RPS6KC1: variants seen among roughly 807,000 people sequenced by gnomAD.
RPS6KC1 encodes ribosomal protein S6 kinase C1.
A neutral mutation model predicts 103.8 loss-of-function variants in RPS6KC1; 54 were observed. That is an observed-to-expected ratio of 0.52 (90% CI 0.42 to 0.65). The LOEUF is 0.65. RPS6KC1 is among the 30% of genes least tolerant of loss of function. RPS6KC1 has a pLI of 0.00. For missense variants in RPS6KC1, 1,151 were observed against 1,253.8 expected (o/e 0.92, Z 1.24); for synonymous variants, 439 against 438.7 (o/e 1.00, Z -0.01).
the RPS6KC1 span, among the ~76,000 whole-genome samples, chr1:213,646,711 C>T: frequency 1.3e-5 from 2 of 151,966 alleles, no homozygotes. Context: ...GGAAACGGAA[C>T]ACCCCCTACC....
chr1:213,398,196 C>CT, the RPS6KC1 span, among the ~76,000 whole-genome samples: 2,642 of 109,442 alleles, frequency 0.024, 66 homozygotes, highest in African/African-American at 0.047. Flanking sequence ...CACACCTGGC[C>CT]TTTTTTTTTT....
the RPS6KC1 span, among the ~76,000 whole-genome samples, chr1:213,769,517 C>CAG: frequency 0.58 from 86,795 of 148,486 alleles, 26,214 homozygotes; most frequent in East Asian, 0.9. Context: ...GAGAGATGGA[C>CAG]AGAGAGAGAG....
the RPS6KC1 span, among the ~76,000 whole-genome samples, chr1:213,735,492 G>A: frequency 5.3e-5 from 8 of 152,144 alleles, no homozygotes; most frequent in South Asian, 2.1e-4. Flanking sequence ...AGATGGGGTC[G>A]GGCCAGTCAA....
the RPS6KC1 span, among the ~76,000 whole-genome samples, chr1:213,521,642 A>G: frequency 6.6e-6 from 1 of 152,210 alleles, no homozygotes; most frequent in Non-Finnish European, 1.5e-5. Context: ...CTGCTTTACC[A>G]ACTAAATTTA....
At chr1:213,250,806 C>A (rs966614049) in intron 12 of RPS6KC1, among the ~76,000 whole-genome samples, 2 of 152,082 alleles carry the variant, frequency 1.3e-5, no homozygotes, top group African/African-American at 2.4e-5. Context: ...GTAACATTTT[C>A]CATTGTCATA....
At chr1:213,653,171 A>G in the RPS6KC1 span, among the ~76,000 whole-genome samples, 4 of 152,326 alleles carry the variant, frequency 2.6e-5, no homozygotes, top group South Asian at 8.3e-4. Flanking sequence ...GAACACTAGC[A>G]TTCTAGTCTG....
chr1:213,092,671 CAAA>C (rs56935040), intron 3 of RPS6KC1, among the ~76,000 whole-genome samples: 5 of 82,638 alleles, frequency 6.1e-5, no homozygotes, highest in Non-Finnish European at 5.0e-5. Context: ...GACTCCATCT[CAAA>C]AAAAAAAAAA....
chr1:213,422,134 C>T, the RPS6KC1 span, among the ~76,000 whole-genome samples: 1 of 152,154 alleles, frequency 6.6e-6, no homozygotes, highest in African/African-American at 2.4e-5. Context: ...TTTTCATCTT[C>T]ACGAATGGAA....
intron 3 of RPS6KC1, among the ~76,000 whole-genome samples, chr1:213,087,625 T>C (rs2080530757): frequency 6.6e-6 from 1 of 152,190 alleles, no homozygotes; most frequent in Non-Finnish European, 1.5e-5. Context: ...ATCCTATGGA[T>C]TTTGTTTTTT....
chr1:213,673,886 A>G, the RPS6KC1 span, among the ~76,000 whole-genome samples: 6 of 152,036 alleles, frequency 3.9e-5, no homozygotes, highest in Admixed American at 1.3e-4. Flanking sequence ...GGTTTGTTAC[A>G]TTGGTATATT....
chr1:213,702,848 T>TTTTC, the RPS6KC1 span, among the ~76,000 whole-genome samples: 1 of 129,488 alleles, frequency 7.7e-6, no homozygotes, highest in Non-Finnish European at 1.7e-5. Context: ...TCATTGAGGT[T>TTTTC]TTTTTTGTTT....
At chr1:213,451,683 C>T in the RPS6KC1 span, among the ~76,000 whole-genome samples, 7 of 152,196 alleles carry the variant, frequency 4.6e-5, no homozygotes, top group African/African-American at 7.2e-5. Context: ...TAGTTGATCT[C>T]GAAAGTACTT....
At chr1:213,608,342 T>G in the RPS6KC1 span, among the ~76,000 whole-genome samples, 10 of 152,142 alleles carry the variant, frequency 6.6e-5, no homozygotes, top group Non-Finnish European at 8.8e-5. Flanking sequence ...AGCACCCGTG[T>G]TGCTCCCCTG....
intron 7 of RPS6KC1, among the ~76,000 whole-genome samples, chr1:213,168,268 A>G (rs1013963190): frequency 5.3e-5 from 8 of 152,198 alleles, no homozygotes; most frequent in Admixed American, 5.2e-4. Flanking sequence ...GTATTTGGAC[A>G]TTTTAAAGTT....
At chr1:213,299,512 A>G in the RPS6KC1 span, among the ~76,000 whole-genome samples, 1 of 142,132 alleles carries the variant, frequency 7.0e-6, no homozygotes, top group Non-Finnish European at 1.5e-5. Flanking sequence ...AGATGGCACC[A>G]CTGCACTCCA....
chr1:213,601,581 T>C, the RPS6KC1 span, among the ~76,000 whole-genome samples: 1 of 151,858 alleles, frequency 6.6e-6, no homozygotes, highest in East Asian at 1.9e-4. Context: ...GAGCACAGGA[T>C]GGAGGCTGTG....
chr1:213,372,414 C>T, the RPS6KC1 span, among the ~76,000 whole-genome samples: 11 of 152,286 alleles, frequency 7.2e-5, no homozygotes, highest in Non-Finnish European at 1.3e-4. Flanking sequence ...CCCTTTGGTC[C>T]TGCACATAGA....
chr1:213,201,934 C>T (rs950482990), intron 8 of RPS6KC1, among the ~76,000 whole-genome samples: 4 of 152,058 alleles, frequency 2.6e-5, no homozygotes, highest in African/African-American at 9.7e-5. Context: ...AGATGTGGGA[C>T]AGACCACTGT....
the RPS6KC1 span, among the ~76,000 whole-genome samples, chr1:213,399,362 A>G: frequency 6.6e-6 from 1 of 152,134 alleles, no homozygotes; most frequent in Non-Finnish European, 1.5e-5. Flanking sequence ...GACTTGTAAG[A>G]CTGAGCTAGC....
Sources: gnomAD v4.1 joint callset for allele counts (sites outside exome capture counted in the v4.1 genomes callset) on GRCh38, gnomAD v4.1.1 for gene constraint, MANE v1.5 for transcripts, NCBI Gene and HGNC (gene_info 2026-07-23, HGNC 2026-07-21) for gene names.